The following RALB variants were observed in gnomAD, a reference collection of about 807,000 sequenced individuals.
RALB encodes ras-related protein Ral-B.
Under a neutral mutation model 21.3 loss-of-function variants are expected in RALB, and 16 were observed. That is an observed-to-expected ratio of 0.75 (90% CI 0.51 to 1.14). The LOEUF is 1.14. Among genes scored for constraint, RALB ranks in the 50% most tolerant of loss-of-function variants. The pLI is 0.00. For synonymous variants in RALB, 93 were observed against 96.1 expected, an observed-to-expected ratio of 0.97 and a Z score of 0.19; for missense variants, 161 against 256.2, an observed-to-expected ratio of 0.63 and a Z score of 2.54.
At chr2:120,265,059 G>A (rs903928871) in intron 1 of RALB, among the ~76,000 whole-genome samples, 2 of 152,186 alleles carry the variant, frequency 1.3e-5, no homozygotes, top group Admixed American at 1.3e-4. Flanking sequence ...GTGAACATGG[G>A]TGTATAAATA....
chr2:120,289,464 A>C, intron 3 of RALB, 116 bp from the exon 4 acceptor site: 1 of 1,052,822 alleles, frequency 9.5e-7, no homozygotes, highest in Non-Finnish European at 1.4e-6. Flanking sequence ...CCCTAAATCT[A>C]GTGATTTTTT....
chr2:120,270,911 C>T (rs1359254556), intron 1 of RALB, among the ~76,000 whole-genome samples: 1 of 152,188 alleles, frequency 6.6e-6, no homozygotes, highest in African/African-American at 2.4e-5. Context: ...TACTAGGTGA[C>T]CTTCAGTTCA....
intron 1 of RALB, among the ~76,000 whole-genome samples, chr2:120,263,497 ACTT>A (rs1230329255): frequency 1.2e-4 from 19 of 152,314 alleles, no homozygotes; most frequent in African/African-American, 4.1e-4. Flanking sequence ...CTTACTGAGA[ACTT>A]CTTTTAATAG....
In RALB at chr2:120,252,892, C is replaced by A. The variant is rs559710960; in HGVS notation, c.-136C>A. On this transcript the variant is annotated 5_prime_UTR_variant, in exon 1 of 5. Coordinates refer to ENST00000272519, the MANE Select transcript of RALB (RefSeq NM_002881.3). ...AGCTCAATGACAAATCGGTGGAGGA[C>A]GGCTGGGGTCCGGCCCCGGGAGGGG... 2.9e-4 allele frequency: 288 copies of A among 985,514 alleles called. 1 individual carries two copies. The African/African-American group carries it at 4.2e-3, about 14-fold the overall frequency. The allele number at this position is 985,514 out of a possible 1,614,324, so 61.0% of individuals were successfully genotyped here.
intron 2 of RALB, among the ~76,000 whole-genome samples, chr2:120,282,824 G>A (rs1322959530): frequency 6.6e-6 from 1 of 152,098 alleles, no homozygotes; most frequent in East Asian, 1.9e-4. Context: ...CTAAAACGGT[G>A]CTAATAGAAA....
chr2:120,269,315 T>G (rs4849846), intron 1 of RALB, among the ~76,000 whole-genome samples: 2 of 152,030 alleles, frequency 1.3e-5, no homozygotes, highest in African/African-American at 2.4e-5. Flanking sequence ...GTGAGTGTTA[T>G]AGCTCTCAAA....
rs538298906 is a variant in RALB at position 120,286,074 on chromosome 2, C to T, written c.315C>T (p.Ala105=). The T allele has an allele frequency of 8.3e-5, 134 of 1,613,806 alleles. No homozygotes were observed. The South Asian group carries it at 1.2e-3, about 15-fold the overall frequency. The change falls in exon 3 of 5, where the codon GCC becomes GCT. Residue 105 remains alanine, a synonymous_variant. Transcript: ENST00000272519. ...AACATGAATCCTTTACAGCAACTGC[C>T]GAATTCAGGTATGTCTGAAATGAAA... The part of the protein sequence containing the change: ...ITEHESFTAT[A]EFREQILRVK...
chr2:120,249,192 C>A (rs1411229967), upstream of RALB, among the ~76,000 whole-genome samples: 1 of 152,084 alleles, frequency 6.6e-6, no homozygotes, highest in East Asian at 1.9e-4. Context: ...GCCACCACGC[C>A]TGGCTAATTT....
At chr2:120,241,022 A>G (rs1354375360) in intron 1 of RALB, among the ~76,000 whole-genome samples, 2 of 152,200 alleles carry the variant, frequency 1.3e-5, no homozygotes, top group African/African-American at 4.8e-5. Flanking sequence ...CCCCAGATCC[A>G]CTGTCACGGG....
intron 1 of RALB, among the ~76,000 whole-genome samples, chr2:120,255,518 A>G (rs561552361): frequency 2.0e-5 from 3 of 152,342 alleles, no homozygotes; most frequent in Non-Finnish European, 2.9e-5. Context: ...GTACCTAGGA[A>G]TATAAATATT....
intron 1 of RALB, among the ~76,000 whole-genome samples, chr2:120,277,014 G>A (rs976700894): frequency 2.0e-5 from 3 of 152,138 alleles, no homozygotes; most frequent in African/African-American, 4.8e-5. Flanking sequence ...CTTGGGTTAC[G>A]GTAGATTCCA....
chr2:120,251,375 A>G (rs531450820), upstream of RALB, among the ~76,000 whole-genome samples: 265 of 152,346 alleles, frequency 1.7e-3, no homozygotes, highest in African/African-American at 6.1e-3. Context: ...ATGTAAGCTC[A>G]CATTCCTGAG....
chr2:120,289,761 G>A lies in RALB; in HGVS notation c.501+4G>A, dbSNP rs756778712. On this transcript the variant is annotated splice_donor_region_variant and intron_variant, in intron 4 of 4. Transcript: ENST00000272519. ...GACCCGGGCCAACGTGGACAAGGTA[G>A]GCGTGAATTCTGTGTATTTCTCAGA... The A allele has an allele frequency of 6.9e-6, 11 of 1,596,976 alleles. No individual in the cohort carries two copies. The South Asian group carries it at 1.2e-4, about 18-fold the overall frequency.
chr2:120,252,746 C>T (rs1465588580), upstream of RALB: 2 of 978,448 alleles, frequency 2.0e-6, no homozygotes, highest in Non-Finnish European at 2.4e-6. Context: ...GGCTGACAGC[C>T]CCCCGACGGG....
rs1690005042 is a variant in RALB at position 120,282,174 on chromosome 2, A to C, written c.114+3396A>C. ...GAGGCCCTGGGTTGCCAGTTCCAAG[A>C]GCAAGTTCAGATACAGAGCTGGGGC... On this transcript the variant is annotated intron_variant, in intron 2 of 4. Coordinates refer to ENST00000272519, the MANE Select transcript of RALB (RefSeq NM_002881.3). 2.6e-5 allele frequency among the ~76,000 whole-genome samples: 4 copies of C among 152,178 alleles called. No individual in the cohort carries two copies. The South Asian group carries it at 8.3e-4, about 32-fold the overall frequency.
chr2:120,254,453 A>G (rs10180681), intron 1 of RALB, among the ~76,000 whole-genome samples: 105,241 of 151,662 alleles, frequency 0.69, 37,094 homozygotes, highest in Middle Eastern at 0.8. Context: ...TGCCCGAGGA[A>G]TAGAACATTT....
At chr2:120,266,464 G>C (rs1470934281) in intron 1 of RALB, among the ~76,000 whole-genome samples, 1 of 152,110 alleles carries the variant, frequency 6.6e-6, no homozygotes, top group Non-Finnish European at 1.5e-5. Flanking sequence ...GGCCAGGATG[G>C]TCTCAATCTC....
chr2:120,241,866 C>T (rs1688901548), intron 1 of RALB, among the ~76,000 whole-genome samples: 1 of 152,154 alleles, frequency 6.6e-6, no homozygotes, highest in Non-Finnish European at 1.5e-5. Flanking sequence ...ATGATGGTTC[C>T]TCAAAAAATG....
intron 1 of RALB, among the ~76,000 whole-genome samples, chr2:120,242,564 C>T (rs1444752302): frequency 6.6e-6 from 1 of 152,040 alleles, no homozygotes; most frequent in Non-Finnish European, 1.5e-5. Context: ...GAAACCCCGT[C>T]TCTACTAAAA....
Sources: gnomAD v4.1 joint callset for allele counts (sites outside exome capture counted in the v4.1 genomes callset) on GRCh38, gnomAD v4.1.1 for gene constraint, MANE v1.5 for transcripts, NCBI Gene and HGNC (gene_info 2026-07-23, HGNC 2026-07-21) for gene names.